USP9X: variants seen among roughly 807,000 people sequenced by gnomAD.
USP9X encodes the protein ubiquitin specific peptidase 9 X-linked, also known as ubiquitin carboxyl-terminal hydrolase 9X.
A neutral mutation model predicts 190.3 loss-of-function variants in USP9X; 7 were observed. That is an observed-to-expected ratio of 0.04 (90% CI 0.02 to 0.07). The LOEUF is 0.07. Ranked by LOEUF, USP9X falls within the 10% of genes least tolerant of loss-of-function variation. The pLI, the probability that USP9X is intolerant of heterozygous loss-of-function variation, is 1.00. For synonymous variants in USP9X, 645 were observed against 659.5 expected, an observed-to-expected ratio of 0.98 and a Z score of 0.34; for missense variants, 1,010 against 1,916.9, an observed-to-expected ratio of 0.53 and a Z score of 8.83.
At chrX:41,088,038 C>T (rs963888697) in intron 1 of USP9X, among the ~76,000 whole-genome samples, 1 of 112,188 alleles carries the variant, frequency 8.9e-6, no homozygotes, top group Non-Finnish European at 1.9e-5. Context: ...GGCTGGAGTG[C>T]AGTGGCACGA....
chrX:41,212,404 T>A (rs1318444488), intron 33 of USP9X, among the ~76,000 whole-genome samples: 2 of 100,519 alleles, frequency 2.0e-5, no homozygotes, highest in African/African-American at 7.4e-5. Context: ...CCTCCACTAT[T>A]GTCCTATGAC....
chrX:41,219,284 G>A (rs2063239659), intron 38 of USP9X, 53 bp downstream of exon 38: 1 of 1,121,953 alleles, frequency 8.9e-7, no homozygotes, highest in South Asian at 2.0e-5. Flanking sequence ...ATTAAATTGT[G>A]AAGTCATTTA....
chrX:41,218,695 T>C (rs1032378791), intron 37 of USP9X, 98 bp downstream of exon 37: 5 of 784,189 alleles, frequency 6.4e-6, no homozygotes, highest in African/African-American at 2.1e-5. Flanking sequence ...CCACTTGATA[T>C]GTTTACCTAA....
intron 1 of USP9X, among the ~76,000 whole-genome samples, chrX:41,087,387 C>T (rs900840727): frequency 8.9e-6 from 1 of 112,342 alleles, no homozygotes; most frequent in African/African-American, 3.2e-5. Context: ...CCATGACTAG[C>T]TTGGCTGGTT....
chrX:41,109,249 G>T (rs2062091567), intron 1 of USP9X, among the ~76,000 whole-genome samples: 1 of 111,727 alleles, frequency 9.0e-6, no homozygotes. Context: ...GTTTCACTGG[G>T]GAGAGCATTT....
chrX:41,217,613 C>T (rs1011566663), intron 36 of USP9X, among the ~76,000 whole-genome samples: 3 of 111,731 alleles, frequency 2.7e-5, no homozygotes, highest in African/African-American at 9.8e-5. Flanking sequence ...GACTGGGGGA[C>T]AGTGACTCAC....
chrX:41,232,536 T>G lies in USP9X; in HGVS notation c.*12T>G, dbSNP rs758021124. On this transcript the variant is annotated 3_prime_UTR_variant, in exon 45 of 45. Coordinates refer to ENST00000378308, the MANE Select transcript of USP9X (RefSeq NM_001039591.3). ...CCAAGGATCAATGAAATGCACATAA[T>G]TAACTGGTTCCATCAAGACTGTGCA... The G allele has an allele frequency of 8.3e-7, 1 of 1,208,179 alleles. No homozygotes were observed. Among genetic ancestry groups the G allele is most frequent in the East Asian group, 3.0e-5 (1 of 33,802 alleles).
At chrX:41,186,442 T>C in intron 23 of USP9X, 75 bp from the exon 24 acceptor site, 1 of 1,121,325 alleles carries the variant, frequency 8.9e-7, no homozygotes, top group Non-Finnish European at 1.2e-6. Flanking sequence ...GAGTGGGTGA[T>C]GAATGAAGAG....
At chrX:41,194,022 G>A (rs1012961682) in intron 26 of USP9X, among the ~76,000 whole-genome samples, 13 of 111,737 alleles carry the variant, frequency 1.2e-4, no homozygotes, top group Non-Finnish European at 2.3e-4. Flanking sequence ...CAAAGCAGTG[G>A]GAATAGCATA....
At chrX:41,172,532 A>G (rs1252668481) in intron 21 of USP9X, among the ~76,000 whole-genome samples, 1 of 112,069 alleles carries the variant, frequency 8.9e-6, no homozygotes, top group East Asian at 2.8e-4. Flanking sequence ...ACAGATATAT[A>G]CTGATTTTCT....
At chrX:41,172,639 A>G (rs2062737019) in intron 21 of USP9X, among the ~76,000 whole-genome samples, 2 of 112,246 alleles carry the variant, frequency 1.8e-5, no homozygotes, top group South Asian at 3.6e-4. Flanking sequence ...GATTGTTTGA[A>G]ATATAGTTCT....
chrX:41,098,775 C>A lies in USP9X; in HGVS notation c.-159+12666C>A, dbSNP rs546937600. Among the ~76,000 whole-genome samples, 9 of 110,369 alleles carry A rather than the reference C, an allele frequency of 8.2e-5. 1 individual carries two copies. In the South Asian group the frequency reaches 3.5e-3, roughly 43 times the overall value. On this transcript the variant is annotated intron_variant, in intron 1 of 44. Transcript: ENST00000378308. ...TTCGCCACATTGGCCAGGCTGGTCT[C>A]GAACTGCTGACTGCCTGCCTCAGCC... is the stretch of plus-strand genomic sequence containing the variant.
At chrX:41,140,185 TG>T (rs2062409954) in intron 6 of USP9X, among the ~76,000 whole-genome samples, 1 of 112,174 alleles carries the variant, frequency 8.9e-6, no homozygotes, top group Non-Finnish European at 1.9e-5. Context: ...AATTGACAAT[TG>T]ACTCTCAGGC....
intron 1 of USP9X, among the ~76,000 whole-genome samples, chrX:41,098,543 A>G (rs1224622843): frequency 9.1e-6 from 1 of 109,320 alleles, no homozygotes. Context: ...TCAATACATG[A>G]TCACTAACTG....
rs73480440 is a variant in USP9X at position 41,173,630 on chromosome X, A to G, written c.3148+1672A>G. On this transcript the variant is annotated intron_variant, in intron 21 of 44. Transcript: ENST00000378308. ...TAATGTCGATTCATTACTGCCATCT[A>G]CTTAGCAGACTCTATTGAGTGTTTT... is the stretch of plus-strand genomic sequence containing the variant. Among the ~76,000 whole-genome samples the G allele has an allele frequency of 3.3e-3, 370 of 111,843 alleles. 2 individuals are homozygous for G. Among genetic ancestry groups the G allele is most frequent in the African/African-American group, 0.011 (346 of 30,777 alleles).
intron 28 of USP9X, among the ~76,000 whole-genome samples, 199 bp from the exon 29 acceptor site, chrX:41,197,165 T>A (rs776772826): frequency 8.9e-6 from 1 of 112,001 alleles, no homozygotes; most frequent in Non-Finnish European, 1.9e-5. Flanking sequence ...CAAATTAGCA[T>A]TTCTTCTAGT....
Position 41,232,463 on chromosome X carries a change from G to A in USP9X, c.7604G>A (p.Arg2535Gln), listed in dbSNP as rs1282946735. The A allele has an allele frequency of 2.5e-6, 3 of 1,209,123 alleles. No homozygotes were observed. Among genetic ancestry groups the A allele is most frequent in the Non-Finnish European group, 3.4e-6 (3 of 894,997 alleles). ...AACAACCCTCAGAGAACTGGCCAACGAGCACAAGAAAATTATGAAGGCAGT... is the reference window on the plus strand; with the variant it reads ...AACAACCCTCAGAGAACTGGCCAACAAGCACAAGAAAATTATGAAGGCAGT... ...HMNNPQRTGQ[R>Q]AQENYEGSEE... is the part of the protein sequence containing the mutation. Residue 2535 changes from arginine (R) to glutamine (Q), a missense_variant, in exon 45 of 45, where the codon CGA becomes CAA. By Grantham distance (43) the Arg-to-Gln change is conservative. This residue lies in a region of USP9X where 48 missense variants were observed against 60.4 expected (regional missense o/e 0.79). Coordinates refer to ENST00000378308, the MANE Select transcript of USP9X (RefSeq NM_001039591.3).
intron 3 of USP9X, among the ~76,000 whole-genome samples, 180 bp from the exon 4 acceptor site, chrX:41,131,277 T>C (rs1479252402): frequency 9.0e-6 from 1 of 111,516 alleles, no homozygotes; most frequent in Non-Finnish European, 1.9e-5. Context: ...TGTAGAGACA[T>C]CAGGTGGTGC....
chrX:41,224,010 G>A (rs563656178), intron 39 of USP9X, among the ~76,000 whole-genome samples: 1 of 110,264 alleles, frequency 9.1e-6, no homozygotes, highest in African/African-American at 3.3e-5. Flanking sequence ...TTTGAGCCTG[G>A]GCAACATAGC....
Sources: gnomAD v4.1 joint callset for allele counts (sites outside exome capture counted in the v4.1 genomes callset) on GRCh38, gnomAD v4.1.1 for gene constraint, gnomAD v4.1.1 regional missense constraint, MANE v1.5 for transcripts, NCBI Gene and HGNC (gene_info 2026-07-23, HGNC 2026-07-21) for gene names.